Variants in SPDYE10 observed in about 807,000 individuals in gnomAD.
SPDYE10 encodes the protein speedy protein E10.
At chr7:73,114,114 C>T in the SPDYE10 span, among the ~76,000 whole-genome samples, 3 of 131,546 alleles carry the variant, frequency 2.3e-5, no homozygotes, top group East Asian at 4.3e-4. Context: ...TCGCTTGAAT[C>T]CAGGAGGCGG....
At chr7:73,113,830 T>A in the SPDYE10 span, among the ~76,000 whole-genome samples, 2 of 151,796 alleles carry the variant, frequency 1.3e-5, no homozygotes, top group Admixed American at 6.6e-5. Flanking sequence ...GATCAGGAGA[T>A]CGAGACCATC....
the SPDYE10 span, among the ~76,000 whole-genome samples, chr7:73,114,564 T>C: frequency 7.5e-6 from 1 of 133,836 alleles, no homozygotes; most frequent in South Asian, 2.4e-4. Flanking sequence ...GGAAACAGAG[T>C]CTCACTCTGT....
the SPDYE10 span, among the ~76,000 whole-genome samples, chr7:73,126,542 A>G: frequency 7.0e-6 from 1 of 142,970 alleles, no homozygotes; most frequent in Non-Finnish European, 1.5e-5. Context: ...AAAAGAAAGA[A>G]AAAAGAACTA....
chr7:73,113,972 G>A, the SPDYE10 span, among the ~76,000 whole-genome samples: 23 of 150,096 alleles, frequency 1.5e-4, no homozygotes, highest in Admixed American at 1.5e-3. Flanking sequence ...CTTGCAGTGA[G>A]CCAAGATCAT....
the SPDYE10 span, among the ~76,000 whole-genome samples, chr7:73,137,893 G>C: frequency 1.5e-5 from 2 of 130,728 alleles, no homozygotes; most frequent in Non-Finnish European, 1.6e-5. Context: ...GGGAAGGAGA[G>C]GGGAAGGGGA....
the SPDYE10 span, among the ~76,000 whole-genome samples, chr7:73,134,579 A>T: frequency 6.8e-4 from 104 of 152,314 alleles, no homozygotes; most frequent in Non-Finnish European, 1.8e-4. Flanking sequence ...CCGTGCAGGC[A>T]GGACAGGCAT....
chr7:73,114,534 A>ATTTTTT, the SPDYE10 span, among the ~76,000 whole-genome samples: 174 of 134,302 alleles, frequency 1.3e-3, 1 homozygote, highest in Admixed American at 1.9e-3. Context: ...TTTAAGCCCT[A>ATTTTTT]TTTTTTTTTT....
the SPDYE10 span, among the ~76,000 whole-genome samples, chr7:73,150,895 C>CA: frequency 0.017 from 20 of 1,212 alleles, no homozygotes; most frequent in Non-Finnish European, 0.014. Flanking sequence ...GACCCTGTCT[C>CA]AAAAAAAAAA....
At chr7:73,142,738 A>C in the SPDYE10 span, among the ~76,000 whole-genome samples, 1 of 152,044 alleles carries the variant, frequency 6.6e-6, no homozygotes, top group African/African-American at 2.4e-5. Context: ...GGAGTTCGAG[A>C]CCAGCTTAGC....
chr7:73,144,877 A>C, the SPDYE10 span, among the ~76,000 whole-genome samples: 1 of 90,524 alleles, frequency 1.1e-5, no homozygotes, highest in Non-Finnish European at 2.0e-5. Flanking sequence ...TTAACTGGGC[A>C]TTGTGGTGTG....
At chr7:73,145,058 A>T in the SPDYE10 span, among the ~76,000 whole-genome samples, 2 of 121,636 alleles carry the variant, frequency 1.6e-5, no homozygotes, top group Non-Finnish European at 3.3e-5. Flanking sequence ...GTCATGTCCT[A>T]TTTTCCTTCC....
chr7:73,115,046 A>G, the SPDYE10 span, among the ~76,000 whole-genome samples: 1 of 151,816 alleles, frequency 6.6e-6, no homozygotes, highest in South Asian at 2.1e-4. Flanking sequence ...ACAGGCACCC[A>G]CCACCACGTA....
At chr7:73,127,619 G>A in the SPDYE10 span, among the ~76,000 whole-genome samples, 1 of 97,304 alleles carries the variant, frequency 1.0e-5, no homozygotes, top group Non-Finnish European at 2.2e-5. Flanking sequence ...AAGGGGAAGG[G>A]AATGGAAGGG....
chr7:73,115,116 G>T, the SPDYE10 span, among the ~76,000 whole-genome samples: 1 of 151,598 alleles, frequency 6.6e-6, no homozygotes, highest in African/African-American at 2.4e-5. Flanking sequence ...AGCTGGTCTT[G>T]AACTCCTGAC....
the SPDYE10 span, among the ~76,000 whole-genome samples, chr7:73,108,248 G>GGAGA: frequency 7.0e-3 from 3 of 426 alleles, no homozygotes; most frequent in African/African-American, 0.012. Flanking sequence ...GATGTGGGAA[G>GGAGA]GAGAGAGAAC....
chr7:73,132,546 CAA>C, the SPDYE10 span, among the ~76,000 whole-genome samples: 4,784 of 58,402 alleles, frequency 0.082, 10 homozygotes, highest in South Asian at 0.1. Flanking sequence ...GACCCTGTCT[CAA>C]AAAAAAAAAA....
At chr7:73,113,705 C>T in the SPDYE10 span, among the ~76,000 whole-genome samples, 1 of 152,000 alleles carries the variant, frequency 6.6e-6, no homozygotes, top group East Asian at 1.9e-4. Context: ...AGCAGCCTGG[C>T]CAACATGGTG....
At chr7:73,113,801 C>G in the SPDYE10 span, among the ~76,000 whole-genome samples, 1 of 151,832 alleles carries the variant, frequency 6.6e-6, no homozygotes, top group African/African-American at 2.4e-5. Flanking sequence ...TTTGGGAGGC[C>G]AAGGAGGGTG....
the SPDYE10 span, among the ~76,000 whole-genome samples, chr7:73,123,681 C>T: frequency 3.3e-5 from 5 of 152,120 alleles, no homozygotes; most frequent in South Asian, 1.0e-3. Context: ...TGGTTTTGAA[C>T]TCCTGACCTC....
Sources: allele counts gnomAD v4.1 joint callset (sites outside exome capture counted in the v4.1 genomes callset), GRCh38; gene constraint gnomAD v4.1.1; transcripts MANE v1.5; gene names NCBI Gene and HGNC (gene_info 2026-07-23, HGNC 2026-07-21).